Variants in HUWE1 observed in about 807,000 individuals in gnomAD.
HUWE1 encodes the protein E3 ubiquitin-protein ligase HUWE1.
In HUWE1, 18 loss-of-function variants were observed where a neutral mutation model predicts 299.4. That is an observed-to-expected ratio of 0.06 (90% CI 0.04 to 0.09). The LOEUF (loss-of-function observed/expected upper bound fraction) is 0.09, where lower values mean the gene tolerates loss of function less well. Ranked by LOEUF, HUWE1 falls within the 10% of genes least tolerant of loss-of-function variation. The pLI is 1.00. For synonymous variants in HUWE1, 1,317 were observed against 1,286.1 expected, an observed-to-expected ratio of 1.02 and a Z score of -0.51; for missense variants, 1,832 against 3,462.3, an observed-to-expected ratio of 0.53 and a Z score of 11.82.
intron 27 of HUWE1, 45 bp from the exon 28 acceptor site, chrX:53,602,703 A>T (rs1556992237): frequency 1.5e-6 from 1 of 662,112 alleles, no homozygotes. Flanking sequence ...ATATATATAT[A>T]TACTGATAAT....
At chrX:53,653,744 A>T (rs782052065) in intron 4 of HUWE1, among the ~76,000 whole-genome samples, 1 of 112,339 alleles carries the variant, frequency 8.9e-6, no homozygotes, top group African/African-American at 3.2e-5. Context: ...ATCTGAACCC[A>T]TATCTGCTCT....
At chrX:53,604,276 AC>A (rs1301244068) in intron 26 of HUWE1, among the ~76,000 whole-genome samples, 1 of 111,955 alleles carries the variant, frequency 8.9e-6, no homozygotes, top group Non-Finnish European at 1.9e-5. Context: ...AAAATGTCCT[AC>A]CTATGCCATC....
chrX:53,667,929 G>GTC (rs1410941157), intron 3 of HUWE1, among the ~76,000 whole-genome samples: 1 of 111,501 alleles, frequency 9.0e-6, no homozygotes, highest in Non-Finnish European at 1.9e-5. Flanking sequence ...TTAAGACACT[G>GTC]TCTATCTAGC....
intron 11 of HUWE1, 63 bp from the exon 12 acceptor site, chrX:53,631,097 G>C (rs1300433229): frequency 1.4e-6 from 1 of 704,277 alleles, no homozygotes; most frequent in Admixed American, 2.3e-5. Flanking sequence ...TTCTTTATGA[G>C]GGCTAACTCA....
chrX:53,534,669 G>A lies in HUWE1; in HGVS notation c.12678C>T (p.Phe4226=). The A allele has an allele frequency of 8.3e-7, 1 of 1,211,213 alleles. No individual in the cohort carries two copies. The change falls in exon 82 of 84, where the codon TTC becomes TTT. Residue 4226 remains phenylalanine, a synonymous_variant. Transcript: ENST00000262854. ...TGAIRKQLAA[F]LEGFYEIIPK... ...GAATGATCTCATAGAAGCCTTCTAA[G>A]AAAGCCGCCAACTGCTTGCGGATGG... is the stretch of plus-strand genomic sequence containing the variant.
intron 3 of HUWE1, among the ~76,000 whole-genome samples, chrX:53,659,461 T>G (rs1374271163): frequency 1.8e-5 from 2 of 111,895 alleles, no homozygotes; most frequent in Non-Finnish European, 3.8e-5. Context: ...ACATACTGTA[T>G]GATTCCAACC....
At chrX:53,594,446 A>G in intron 31 of HUWE1, 53 bp downstream of exon 31, 2 of 1,185,385 alleles carry the variant, frequency 1.7e-6, no homozygotes, top group East Asian at 3.0e-5. Context: ...GAAGGCACAC[A>G]GCAAAGATCA....
chrX:53,535,225 G>A (rs782625024), intron 81 of HUWE1, among the ~76,000 whole-genome samples, 159 bp downstream of exon 81: 110 of 112,145 alleles, frequency 9.8e-4, no homozygotes, highest in Non-Finnish European at 1.8e-3. Flanking sequence ...GTGAGCCACC[G>A]TGCCCAAAGT....
At chrX:53,573,120 T>C (rs2062915412) in intron 47 of HUWE1, among the ~76,000 whole-genome samples, 1 of 111,950 alleles carries the variant, frequency 8.9e-6, no homozygotes, top group South Asian at 3.7e-4. Context: ...GATTCCTAAC[T>C]GTTCTCTCTG....
intron 3 of HUWE1, among the ~76,000 whole-genome samples, chrX:53,679,173 G>GA (rs1310230952): frequency 1.8e-4 from 18 of 98,877 alleles, no homozygotes; most frequent in East Asian, 3.1e-4. Context: ...TAAATTGGAA[G>GA]AAAAAAAAAA....
Position 53,532,920 on chromosome X carries a change from A to T in HUWE1, c.*389T>A, listed in dbSNP as rs782609243. On this transcript the variant is annotated 3_prime_UTR_variant, in exon 84 of 84. Transcript: ENST00000262854. The stretch of plus-strand genomic sequence containing the variant: ...TTAAGAAATGCAAACAGAACAAAAA[A>T]ATATATATATATATAATTTTTTCCC... 45 of 110,520 alleles carry T rather than the reference A, an allele frequency of 4.1e-4. No homozygotes were observed. The highest frequency in any genetic ancestry group is 1.5e-3 in the South Asian group (4 of 2,611). The allele number at this position is 110,520 out of a possible 1,213,427, so 9.1% of individuals were successfully genotyped here.
In HUWE1 at chrX:53,548,020, G is replaced by A; in HGVS notation, c.10289C>T (p.Pro3430Leu). 8.3e-7 allele frequency: 1 copy of A among 1,211,539 alleles called. No homozygotes were observed. Among genetic ancestry groups the A allele is most frequent in the Non-Finnish European group, 1.1e-6 (1 of 895,342 alleles). The change falls in exon 68 of 84, where the codon CCA becomes CTA. Residue 3430 changes from proline to leucine, a missense_variant. Physicochemically the swap from Pro to Leu is moderately conservative, Grantham distance 98. Coordinates refer to ENST00000262854, the MANE Select transcript of HUWE1 (RefSeq NM_031407.7). ...ETSPYSLEAS[P>L]LGQLMNMLSH... ...CAACATGTTCATGAGCTGCCCCAGT[G>A]GAGAGGCCTCGAGGCTGTATGGAGA...
chrX:53,627,131 A>G (rs782478633), intron 17 of HUWE1, among the ~76,000 whole-genome samples: 1 of 111,715 alleles, frequency 9.0e-6, no homozygotes, highest in Non-Finnish European at 1.9e-5. Context: ...TAAGAAATAC[A>G]TAAGAAAATT....
At chrX:53,615,985 A>G (rs2065777446) in intron 21 of HUWE1, 150 bp from the exon 22 acceptor site, 1 of 473,284 alleles carries the variant, frequency 2.1e-6, no homozygotes, top group Non-Finnish European at 3.7e-6. Flanking sequence ...CCCAGACTGG[A>G]GTGCAGTGTC....
At position 53,559,455 on chromosome X, in the gene HUWE1, C is replaced by T. The variant is rs142176360; in HGVS notation, c.7814G>A (p.Arg2605His). The T allele has an allele frequency of 2.5e-6, 3 of 1,208,960 alleles. No homozygotes were observed. Among genetic ancestry groups the T allele is most frequent in the African/African-American group, 1.8e-5 (1 of 56,990 alleles). ...GACGTCATCGTTGCCTACCAGGAGG[C>T]GGGCCCGACCCCGGCTTTGTAGGGG... ...SLPLQSRGRA[R>H]LLVGNDDVHI... Residue 2605 changes from arginine to histidine, a missense_variant, in exon 57 of 84, where the codon CGC (arginine) becomes CAC (histidine). Physicochemically the swap from Arg to His is conservative, Grantham distance 29. Transcript: ENST00000262854.
At position 53,615,804 on chromosome X, in the gene HUWE1, G is replaced by A. The variant is rs782671837; in HGVS notation, c.1989C>T (p.Val663=). The A allele has an allele frequency of 8.3e-7, 1 of 1,208,768 alleles. No homozygotes were observed. Among genetic ancestry groups the A allele is most frequent in the South Asian group, 1.8e-5 (1 of 56,837 alleles). Residue 663 remains valine (V), a synonymous_variant, in exon 22 of 84, where the codon GTC becomes GTT. Coordinates refer to ENST00000262854, the MANE Select transcript of HUWE1 (RefSeq NM_031407.7). Reference sequence around the variant, plus strand: ...TGGGCTGATGTCTCATGAGCTCATCGACAGCACTCCCCAGGTTGGATGCAG... The same window carrying A: ...TGGGCTGATGTCTCATGAGCTCATCAACAGCACTCCCCAGGTTGGATGCAG... ...GDTASNLGSA[V]DELMRHQPTL...
At chrX:53,628,675 G>A (rs1376038635) in intron 14 of HUWE1, 55 bp from the exon 15 acceptor site, 1 of 1,202,179 alleles carries the variant, frequency 8.3e-7, no homozygotes, top group East Asian at 3.0e-5. Context: ...TTGCTGTTAA[G>A]CAGGCAGGAT....
At chrX:53,574,962 A>G (rs2063027207) in intron 46 of HUWE1, among the ~76,000 whole-genome samples, 193 bp downstream of exon 46, 1 of 112,682 alleles carries the variant, frequency 8.9e-6, no homozygotes. Context: ...TGGTTAACTT[A>G]CAGTTCCATT....
intron 72 of HUWE1, among the ~76,000 whole-genome samples, chrX:53,544,326 T>C (rs781841053): frequency 9.0e-6 from 1 of 111,612 alleles, no homozygotes; most frequent in African/African-American, 3.3e-5. Context: ...GGCCCCCAAC[T>C]TCCCTGCCAG....
Sources: gnomAD v4.1 joint callset for allele counts (sites outside exome capture counted in the v4.1 genomes callset) on GRCh38, gnomAD v4.1.1 for gene constraint, MANE v1.5 for transcripts, NCBI Gene and HGNC (gene_info 2026-07-23, HGNC 2026-07-21) for gene names.